Variants in SP140 observed in about 807,000 individuals in gnomAD.
SP140 encodes the protein SP140 nuclear body protein, also known as nuclear body protein SP140.
A neutral mutation model predicts 125.0 loss-of-function variants in SP140; 81 were observed. The ratio of observed to expected loss-of-function variants is 0.65; its 90% CI spans 0.54 to 0.78. The LOEUF is 0.78. Among genes scored for constraint, SP140 ranks in the 30% least tolerant of loss-of-function variants. The probability of loss-of-function intolerance (pLI) is 0.00; values close to 1 mark genes in which losing one functional copy is unlikely to be tolerated. For synonymous variants in SP140, 312 were observed against 354.0 expected (o/e 0.88, Z 1.33); for missense variants, 858 against 1,037.0 (o/e 0.83, Z 2.37).
chr2:230,200,900 G>T (rs199713399), upstream of SP140: 3 of 1,612,530 alleles, frequency 1.9e-6, no homozygotes, highest in African/African-American at 4.0e-5. Flanking sequence ...GTGACCCTTC[G>T]TGGTGTACTA....
At chr2:230,205,749 G>A (rs2043713047) in intron 1 of SP140, among the ~76,000 whole-genome samples, 1 of 152,222 alleles carries the variant, frequency 6.6e-6, no homozygotes, top group South Asian at 2.1e-4. Context: ...AGACTGTAGT[G>A]TCAATGGGAG....
At chr2:230,295,847 G>A (rs1049424355) in intron 21 of SP140, among the ~76,000 whole-genome samples, 2 of 152,170 alleles carry the variant, frequency 1.3e-5, no homozygotes, top group Non-Finnish European at 2.9e-5. Flanking sequence ...AGCCTCCAGT[G>A]ATTTCTAAGT....
intron 22 of SP140, among the ~76,000 whole-genome samples, chr2:230,304,134 A>G (rs1034291292): frequency 1.3e-5 from 2 of 152,368 alleles, no homozygotes; most frequent in East Asian, 1.9e-4. Context: ...AATCAAATCA[A>G]GAACTCAACC....
chr2:230,241,599 C>T (rs2048737555), intron 4 of SP140, 112 bp downstream of exon 4: 2 of 677,214 alleles, frequency 3.0e-6, no homozygotes, highest in East Asian at 2.7e-5. Context: ...TCTCCCAGTC[C>T]TCCTCCCCTC....
At chr2:230,201,916 T>C (rs1424312745), upstream of SP140, among the ~76,000 whole-genome samples, 1 of 152,190 alleles carries the variant, frequency 6.6e-6, no homozygotes, top group Non-Finnish European at 1.5e-5. Context: ...TCCACAGATA[T>C]CTCAAAAGAC....
chr2:230,255,469 T>G lies in SP140; in HGVS notation c.1177T>G (p.Ser393Ala), dbSNP rs749522334. 2 of 1,613,902 alleles carry G rather than the reference T, an allele frequency of 1.2e-6. No homozygotes were observed. Among genetic ancestry groups the G allele is most frequent in the East Asian group, 4.5e-5 (2 of 44,874 alleles). Reference protein sequence around the residue: ...GEGEEGSDDCSEMCDGEERQE... With the variant: ...GEGEEGSDDCAEMCDGEERQE... ...TTCTGCAGAGGGCAGTGATGACTGTTCGGAAATGTGTGATGGAGAAGAGCG... is the reference window on the plus strand; with the variant it reads ...TTCTGCAGAGGGCAGTGATGACTGTGCGGAAATGTGTGATGGAGAAGAGCG... Residue 393 changes from serine to alanine, a missense_variant, in exon 12 of 27, where the codon TCG becomes GCG. Physicochemically the swap from Ser to Ala is moderately conservative, Grantham distance 99. Around this residue, in one of 4 missense-constraint regions of SP140, gnomAD observed 791 missense variants for 869.5 expected, o/e 0.91. Transcript: ENST00000392045.
chr2:230,288,136 G>T, intron 18 of SP140, 170 bp downstream of exon 18: 1 of 615,480 alleles, frequency 1.6e-6, no homozygotes, highest in South Asian at 2.8e-5. Flanking sequence ...AAGGAAAGAA[G>T]GAAGTAAGTT....
At chr2:230,291,762 G>T (rs1486097214) in intron 19 of SP140, among the ~76,000 whole-genome samples, 1 of 152,078 alleles carries the variant, frequency 6.6e-6, no homozygotes, top group Non-Finnish European at 1.5e-5. Context: ...GTTCTTTTGG[G>T]TATATAGTCA....
At chr2:230,295,699 G>A (rs1222970922) in intron 21 of SP140, among the ~76,000 whole-genome samples, 2 of 152,138 alleles carry the variant, frequency 1.3e-5, no homozygotes, top group South Asian at 2.1e-4. Context: ...GGAAATTTCA[G>A]TGTCACTATG....
chr2:230,220,519 G>C (rs1372409179), intron 3 of SP140, among the ~76,000 whole-genome samples: 1 of 152,214 alleles, frequency 6.6e-6, no homozygotes, highest in Non-Finnish European at 1.5e-5. Flanking sequence ...CTGGAATTGT[G>C]CAGAGGCAGG....
At chr2:230,299,547 C>A (rs1160410713) in intron 22 of SP140, among the ~76,000 whole-genome samples, 1 of 152,136 alleles carries the variant, frequency 6.6e-6, no homozygotes, top group East Asian at 1.9e-4. Flanking sequence ...AAGGAGGCTT[C>A]CAGCTGAACT....
At chr2:230,284,475 T>C (rs2056091555) in intron 16 of SP140, 64 bp downstream of exon 16, 1 of 1,404,286 alleles carries the variant, frequency 7.1e-7, no homozygotes, top group Non-Finnish European at 9.7e-7. Context: ...CATTGTATTC[T>C]GGAAGGCCTG....
At chr2:230,232,766 C>T (rs549583551) in intron 1 of SP140, among the ~76,000 whole-genome samples, 1 of 152,266 alleles carries the variant, frequency 6.6e-6, no homozygotes, top group South Asian at 2.1e-4. Flanking sequence ...GTTTTTAAAA[C>T]TTACATTTTG....
intron 12 of SP140, among the ~76,000 whole-genome samples, chr2:230,261,598 G>T (rs756560862): frequency 6.6e-6 from 1 of 152,050 alleles, no homozygotes; most frequent in Non-Finnish European, 1.5e-5. Context: ...TTTGTCATAG[G>T]TGGCTTTTAT....
In SP140 at chr2:230,312,864, A is replaced by T; in HGVS notation, c.*180A>T. On this transcript the variant is annotated 3_prime_UTR_variant, in exon 27 of 27. Transcript: ENST00000392045. Reference sequence around the variant, plus strand: ...AAAGGAAATTCAATCATCATGAATCACAACCCCAAGTATCTCATCAGCCAG... The same window carrying T: ...AAAGGAAATTCAATCATCATGAATCTCAACCCCAAGTATCTCATCAGCCAG... 1.9e-6 allele frequency: 1 copy of T among 523,316 alleles called. No individual in the cohort carries two copies. Among genetic ancestry groups the T allele is most frequent in the Non-Finnish European group, 3.4e-6 (1 of 290,606 alleles). 32.4% of individuals were successfully genotyped at this position (523,316 alleles called of 1,614,324 possible).
At chr2:230,236,932 TA>T (rs1354029322) in intron 1 of SP140, 150 bp from the exon 2 acceptor site, 1 of 538,326 alleles carries the variant, frequency 1.9e-6, no homozygotes, top group Non-Finnish European at 3.1e-6. Context: ...CCAAAATAAA[TA>T]AATTCCATTC....
chr2:230,275,355 G>T (rs2054559199), intron 15 of SP140, among the ~76,000 whole-genome samples: 1 of 151,964 alleles, frequency 6.6e-6, no homozygotes, highest in African/African-American at 2.4e-5. Flanking sequence ...TGCTCACTTT[G>T]TGTCTCTGTC....
intron 3 of SP140, 56 bp downstream of exon 3, chr2:230,238,437 C>G: frequency 1.4e-6 from 2 of 1,465,828 alleles, no homozygotes; most frequent in South Asian, 2.4e-5. Flanking sequence ...TTCATTGATT[C>G]ATTCATTCAC....
intron 16 of SP140, among the ~76,000 whole-genome samples, chr2:230,285,486 T>C (rs1290215355): frequency 6.6e-6 from 1 of 152,244 alleles, no homozygotes; most frequent in African/African-American, 2.4e-5. Context: ...GACTCAATCA[T>C]TATAACATTT....
Sources: gnomAD v4.1 joint callset for allele counts (sites outside exome capture counted in the v4.1 genomes callset) on GRCh38, gnomAD v4.1.1 for gene constraint, gnomAD v4.1.1 regional missense constraint, MANE v1.5 for transcripts, NCBI Gene and HGNC (gene_info 2026-07-23, HGNC 2026-07-21) for gene names.